Variants in EYA4 observed in about 807,000 individuals in gnomAD.
The protein encoded by EYA4 is EYA transcriptional coactivator and phosphatase 4, also known as protein phosphatase EYA4.
EYA4 carries 31 observed loss-of-function variants against 87.9 expected under a neutral mutation model. The ratio of observed to expected loss-of-function variants is 0.35; its 90% CI spans 0.27 to 0.48. EYA4 has a LOEUF of 0.48. Among genes scored for constraint, EYA4 ranks in the 20% least tolerant of loss-of-function variants. The pLI, the probability that EYA4 is intolerant of heterozygous loss-of-function variation, is 0.99. For synonymous variants in EYA4, 263 were observed against 270.6 expected (o/e 0.97, Z 0.28); for missense variants, 678 against 761.4 (o/e 0.89, Z 1.29).
rs748320254 is a variant in EYA4, at chr6:133,531,219, C to T, written c.*2414C>T. The T allele has an allele frequency of 4.3e-5, 66 of 1,534,624 alleles. 2 individuals carry two copies. In the South Asian group the frequency reaches 4.4e-4, roughly 10 times the overall value. ...TGATTCTGTGTTCAGAAGAGGCTGC[C>T]GGCATAAAACCTAAATGCAAGGTTG... On this transcript the variant is annotated 3_prime_UTR_variant, in exon 20 of 20. Coordinates refer to ENST00000355286, the MANE Select transcript of EYA4 (RefSeq NM_004100.5).
chr6:133,514,956 C>T (rs1168669903), intron 16 of EYA4, among the ~76,000 whole-genome samples: 1 of 152,122 alleles, frequency 6.6e-6, no homozygotes, highest in Admixed American at 6.6e-5. Context: ...TGGTGAAGCC[C>T]AACTATTCCT....
intron 2 of EYA4, among the ~76,000 whole-genome samples, chr6:133,335,089 G>A (rs929235382): frequency 6.6e-6 from 1 of 152,184 alleles, no homozygotes; most frequent in African/African-American, 2.4e-5. Context: ...TTTAGCTATG[G>A]CTGATGACCT....
At chr6:133,480,446 C>T (rs73544978) in intron 11 of EYA4, among the ~76,000 whole-genome samples, 7,126 of 152,158 alleles carry the variant, frequency 0.047, 524 homozygotes, top group African/African-American at 0.15. Flanking sequence ...ACAGATATGC[C>T]GTCCAGTGCT....
chr6:133,415,891 A>C (rs550372019), intron 3 of EYA4, among the ~76,000 whole-genome samples: 2 of 152,238 alleles, frequency 1.3e-5, no homozygotes, highest in African/African-American at 2.4e-5. Flanking sequence ...AATAGTAGAG[A>C]TATGTATAGG....
chr6:133,297,832 A>C (rs535141542), intron 2 of EYA4, among the ~76,000 whole-genome samples: 1 of 152,300 alleles, frequency 6.6e-6, no homozygotes, highest in African/African-American at 2.4e-5. Flanking sequence ...TTTGAAGCCA[A>C]ACCTAGCACT....
chr6:133,315,858 C>A (rs1202258480), intron 2 of EYA4, among the ~76,000 whole-genome samples: 4 of 152,114 alleles, frequency 2.6e-5, no homozygotes, highest in African/African-American at 9.7e-5. Flanking sequence ...AATAGAAATT[C>A]ATTTTGGAAT....
intron 2 of EYA4, among the ~76,000 whole-genome samples, chr6:133,298,033 T>C (rs1324259397): frequency 6.6e-6 from 1 of 152,166 alleles, no homozygotes; most frequent in East Asian, 1.9e-4. Flanking sequence ...GTTGCCTTTT[T>C]TTCTGTAAAG....
At chr6:133,332,646 C>G (rs1382777074) in intron 2 of EYA4, among the ~76,000 whole-genome samples, 2 of 151,828 alleles carry the variant, frequency 1.3e-5, no homozygotes, top group Non-Finnish European at 2.9e-5. Context: ...CGGGTTCAAG[C>G]TATTCCCCTG....
rs1282429304 is a variant in EYA4, at chr6:133,529,774, G to A, written c.*969G>A. On this transcript the variant is annotated 3_prime_UTR_variant, in exon 20 of 20. Coordinates refer to ENST00000355286, the MANE Select transcript of EYA4 (RefSeq NM_004100.5). ...AGACTGTGGGACCTTTACTTAGAAA[G>A]TGAAATGTATGTAGAAGTCTCAAGT... The A allele has an allele frequency of 1.0e-6, 1 of 985,032 alleles. No individual in the cohort carries two copies. The highest frequency in any genetic ancestry group is 1.7e-5 in the African/African-American group (1 of 57,238). 61.0% of individuals were successfully genotyped at this position (985,032 alleles called of 1,614,324 possible).
Position 133,468,589 on chromosome 6 carries a change from T to C in EYA4, c.828T>C (p.Phe276=). Residue 276 remains phenylalanine, a synonymous_variant, in exon 11 of 20, where the codon TTT becomes TTC. Coordinates refer to ENST00000355286, the MANE Select transcript of EYA4 (RefSeq NM_004100.5). ...AGGATTATCCATCCTATACAGCCTT[T>C]GGCCAAAACCAGTATGCACAGTATT... The part of the protein sequence containing the change: ...SQQDYPSYTA[F]GQNQYAQYYS... The C allele has an allele frequency of 6.2e-7, 1 of 1,612,346 alleles. No homozygotes were observed. Among genetic ancestry groups the C allele is most frequent in the Non-Finnish European group, 8.5e-7 (1 of 1,178,702 alleles).
At chr6:133,375,336 G>C (rs1484915646) in intron 2 of EYA4, among the ~76,000 whole-genome samples, 1 of 151,884 alleles carries the variant, frequency 6.6e-6, no homozygotes, top group African/African-American at 2.4e-5. Flanking sequence ...TAGGATATGA[G>C]TATATATTTT....
intron 14 of EYA4, 142 bp downstream of exon 14, chr6:133,506,337 T>A: frequency 1.7e-6 from 1 of 594,594 alleles, no homozygotes; most frequent in East Asian, 2.9e-5. Context: ...AGAGGAAAAA[T>A]TGTATATACA....
Position 133,523,185 on chromosome 6 carries a change from A to G in EYA4, c.1738+8A>G, listed in dbSNP as rs1800336920. 3 of 1,611,368 alleles carry G rather than the reference A, an allele frequency of 1.9e-6. No homozygotes were observed. The highest frequency in any genetic ancestry group is 1.7e-5 in the Admixed American group (1 of 59,932). ...ACAGTGCAACTAAAATAGGTAAGGA[A>G]ATTATTTTAAACTCTGTATGGAATG... On this transcript the variant is annotated splice_region_variant and intron_variant, in intron 18 of 19. Transcript: ENST00000355286.
At chr6:133,361,517 G>A (rs1784447543) in intron 2 of EYA4, among the ~76,000 whole-genome samples, 1 of 152,186 alleles carries the variant, frequency 6.6e-6, no homozygotes, top group African/African-American at 2.4e-5. Flanking sequence ...GAAGTCTTGT[G>A]TATCCTGCCA....
At chr6:133,333,761 T>C (rs1009891511) in intron 2 of EYA4, among the ~76,000 whole-genome samples, 1 of 152,094 alleles carries the variant, frequency 6.6e-6, no homozygotes, top group African/African-American at 2.4e-5. Context: ...ATTATAATAG[T>C]GATGAATGTA....
At chr6:133,345,837 A>G (rs1000849478) in intron 2 of EYA4, among the ~76,000 whole-genome samples, 41 of 152,336 alleles carry the variant, frequency 2.7e-4, no homozygotes, top group South Asian at 6.2e-4. Context: ...TTTGAGGCAT[A>G]TTTTCCTATT....
rs1793052204 is a variant in EYA4 at position 133,448,199 on chromosome 6, A to G, written c.277+20A>G. The G allele has an allele frequency of 4.5e-6, 7 of 1,572,608 alleles. No individual in the cohort carries two copies. The highest frequency in any genetic ancestry group is 1.4e-5 in the African/African-American group (1 of 74,046). ...CAACAAGTATGAGAGATGCTGGTAC[A>G]CTGCATGTGTTTGGGTGTGTGGATT... On this transcript the variant is annotated intron_variant, in intron 5 of 19. Transcript: ENST00000355286.
At chr6:133,525,321 G>C (rs1314412616) in intron 19 of EYA4, 67 bp downstream of exon 19, 26 of 1,366,334 alleles carry the variant, frequency 1.9e-5, no homozygotes, top group Non-Finnish European at 2.2e-5. Flanking sequence ...CATTTCTGTA[G>C]TTTGGCCCAA....
chr6:133,461,575 T>G (rs1044673840), intron 7 of EYA4, among the ~76,000 whole-genome samples: 8 of 152,158 alleles, frequency 5.3e-5, no homozygotes, highest in African/African-American at 1.9e-4. Flanking sequence ...AGTCACTTTA[T>G]TGAGGACAGT....
Sources: allele counts gnomAD v4.1 joint callset (sites outside exome capture counted in the v4.1 genomes callset), GRCh38; gene constraint gnomAD v4.1.1; transcripts MANE v1.5; gene names NCBI Gene and HGNC (gene_info 2026-07-23, HGNC 2026-07-21).